The following DLG5 variants were observed in gnomAD, a reference collection of about 807,000 sequenced individuals.
DLG5 encodes the protein discs large MAGUK scaffold protein 5.
In DLG5, 48 loss-of-function variants were observed where a neutral mutation model predicts 189.8. The ratio of observed to expected loss-of-function variants is 0.25; its 90% CI spans 0.20 to 0.32. The LOEUF (loss-of-function observed/expected upper bound fraction) is 0.32, where lower values mean the gene tolerates loss of function less well. Among genes scored for constraint, DLG5 ranks in the 10% least tolerant of loss-of-function variants. DLG5 has a pLI of 1.00. For synonymous variants in DLG5, 1,016 were observed against 1,054.1 expected (o/e 0.96, Z 0.70); for missense variants, 2,160 against 2,544.7 (o/e 0.85, Z 3.25).
chr10:77,816,924 T>C (rs538433150), intron 19 of DLG5, 83 bp downstream of exon 19: 15 of 1,505,228 alleles, frequency 1.0e-5, no homozygotes, highest in African/African-American at 1.4e-5. Flanking sequence ...ACTATGAAGT[T>C]CTCAGCTAAG....
chr10:77,816,408 A>T, intron 20 of DLG5, 143 bp downstream of exon 20: 2 of 1,293,468 alleles, frequency 1.5e-6, no homozygotes, highest in Non-Finnish European at 2.2e-6. Context: ...CATGGCACTT[A>T]CTGGTGACAC....
chr10:77,829,959 T>C (rs1264334974), intron 11 of DLG5, among the ~76,000 whole-genome samples: 4 of 152,226 alleles, frequency 2.6e-5, no homozygotes, highest in African/African-American at 9.6e-5. Context: ...CTCTCACGCA[T>C]ACCCCTTGAG....
chr10:77,807,661 G>A, intron 25 of DLG5, 135 bp downstream of exon 25: 1 of 1,026,622 alleles, frequency 9.7e-7, no homozygotes, highest in Non-Finnish European at 1.4e-6. Flanking sequence ...CGTGCAGATT[G>A]AGTGTCAAGG....
intron 1 of DLG5, among the ~76,000 whole-genome samples, chr10:77,898,536 A>C (rs547912840): frequency 7.4e-4 from 112 of 152,346 alleles, no homozygotes; most frequent in Middle Eastern, 6.8e-3. Flanking sequence ...CTTGGCTATT[A>C]AAGCCAGAAA....
intron 1 of DLG5, among the ~76,000 whole-genome samples, chr10:77,883,578 G>GA (rs1320951491): frequency 1.3e-5 from 2 of 149,306 alleles, no homozygotes; most frequent in Non-Finnish European, 3.0e-5. Flanking sequence ...CCCTGGGTTA[G>GA]AAAAAAACAT....
chr10:77,917,556 A>G (rs993092419), intron 1 of DLG5, among the ~76,000 whole-genome samples: 8 of 151,868 alleles, frequency 5.3e-5, no homozygotes, highest in African/African-American at 1.9e-4. Context: ...GAGAGAGAGA[A>G]AGACAGCAAG....
chr10:77,897,354 T>C (rs1254924197), intron 1 of DLG5, among the ~76,000 whole-genome samples: 1 of 151,172 alleles, frequency 6.6e-6, no homozygotes, highest in Non-Finnish European at 1.5e-5. Flanking sequence ...AGACTCCATC[T>C]CCAAAAATAA....
chr10:77,800,314 CAG>C (rs1400452834), intron 27 of DLG5, among the ~76,000 whole-genome samples: 1 of 152,218 alleles, frequency 6.6e-6, no homozygotes, highest in Non-Finnish European at 1.5e-5. Flanking sequence ...CGTAGAGTGG[CAG>C]AGACAAGACA....
At chr10:77,859,427 T>C (rs1844385168) in intron 2 of DLG5, among the ~76,000 whole-genome samples, 1 of 152,248 alleles carries the variant, frequency 6.6e-6, no homozygotes, top group Non-Finnish European at 1.5e-5. Context: ...CTTCAGGTCC[T>C]GCAAGCTCCA....
At chr10:77,807,726 G>A in intron 25 of DLG5, 70 bp downstream of exon 25, 3 of 1,551,332 alleles carry the variant, frequency 1.9e-6, no homozygotes, top group South Asian at 1.2e-5. Context: ...CCATTCACCA[G>A]GAAAAGAGTC....
chr10:77,849,541 G>A (rs1331026614), intron 5 of DLG5, among the ~76,000 whole-genome samples: 1 of 152,268 alleles, frequency 6.6e-6, no homozygotes, highest in Non-Finnish European at 1.5e-5. Context: ...TCTTCTCCTG[G>A]TGGGGTCTGG....
chr10:77,824,034 T>C (rs1441094999), intron 14 of DLG5, among the ~76,000 whole-genome samples: 3 of 152,206 alleles, frequency 2.0e-5, no homozygotes, highest in Non-Finnish European at 4.4e-5. Flanking sequence ...TGCCCGGCCA[T>C]GACACATCAC....
At chr10:77,911,816 T>A (rs1036066580) in intron 1 of DLG5, among the ~76,000 whole-genome samples, 19 of 152,158 alleles carry the variant, frequency 1.2e-4, no homozygotes, top group African/African-American at 3.1e-4. Context: ...AGGCTGCATG[T>A]TAGCAGGAGC....
At chr10:77,917,683 G>T (rs1220275537) in intron 1 of DLG5, among the ~76,000 whole-genome samples, 2 of 152,212 alleles carry the variant, frequency 1.3e-5, no homozygotes, top group African/African-American at 4.8e-5. Flanking sequence ...TTTGCAAGAT[G>T]AAAAATTTCT....
rs372580241 is a variant in DLG5 at position 77,821,149 on chromosome 10, C to T, written c.3335G>A (p.Arg1112Gln). The T allele has an allele frequency of 1.5e-5, 24 of 1,614,106 alleles. No homozygotes were observed. Among genetic ancestry groups the T allele is most frequent in the East Asian group, 1.1e-4 (5 of 44,878 alleles). Residue 1112 changes from arginine (R) to glutamine (Q), a missense_variant, in exon 15 of 32, where the codon CGG becomes CAG. Arg to Gln is a conservative substitution (Grantham distance 43). Transcript: ENST00000372391. ...CCGAAAACTGGGAGCAGATTTTGGC[C>T]GGCGACGCTTCTGCCCCAGCTCATC... ...KVDELGQKRR[R>Q]PKSAPSFRPK...
At chr10:77,806,737 C>CCCCCCCCCCCCCAA in intron 26 of DLG5, 21 bp downstream of exon 26, 3 of 1,592,022 alleles carry the variant, frequency 1.9e-6, no homozygotes, top group Non-Finnish European at 8.6e-7. Flanking sequence ...CCACCCCACC[C>CCCCCCCCCCCCCAA]CAGGCCCGGA....
rs1248894 is a variant in DLG5 at position 77,919,157 on chromosome 10, A to G, written c.304+7060T>C. On this transcript the variant is annotated intron_variant, in intron 1 of 31. Coordinates refer to ENST00000372391, the MANE Select transcript of DLG5 (RefSeq NM_004747.4). The stretch of plus-strand genomic sequence containing the variant: ...CTTGAACCTGGGAGGCAGAGGGTGC[A>G]GTAAGCTGAGATTGCACCACTGCAC... 2.5e-3 allele frequency among the ~76,000 whole-genome samples: 387 copies of G among 152,260 alleles called. 6 individuals carry two copies. The highest frequency in any genetic ancestry group is 0.023 in the Admixed American group (357 of 15,280).
rs1425717227 is a variant in DLG5, at chr10:77,902,441, T to C, written c.304+23776A>G. Among the ~76,000 whole-genome samples the C allele has an allele frequency of 2.0e-5, 3 of 152,168 alleles. No individual in the cohort carries two copies. In the East Asian group the frequency reaches 5.8e-4, roughly 29 times the overall value. On this transcript the variant is annotated intron_variant, in intron 1 of 31. Transcript: ENST00000372391. ...GAGAAAATAAAGAAGCATACAAAGA[T>C]CTATAGCATGAGGTGATGCACCGCA...
At chr10:77,844,383 T>C (rs1306354411) in intron 5 of DLG5, among the ~76,000 whole-genome samples, 1 of 152,232 alleles carries the variant, frequency 6.6e-6, no homozygotes, top group Non-Finnish European at 1.5e-5. Flanking sequence ...TTTGCCGACT[T>C]TGCTCTGTGT....
Sources: allele counts gnomAD v4.1 joint callset (sites outside exome capture counted in the v4.1 genomes callset), GRCh38; gene constraint gnomAD v4.1.1; transcripts MANE v1.5; gene names NCBI Gene and HGNC (gene_info 2026-07-23, HGNC 2026-07-21).